Variants in MGAT5 observed in about 807,000 individuals in gnomAD.
MGAT5 encodes alpha-1,6-mannosylglycoprotein 6-beta-N-acetylglucosaminyltransferase A.
In MGAT5, 30 loss-of-function variants were observed where a neutral mutation model predicts 94.3. The ratio of observed to expected loss-of-function variants is 0.32; its 90% CI spans 0.24 to 0.43. The LOEUF (loss-of-function observed/expected upper bound fraction) is 0.43. Ranked by LOEUF, MGAT5 falls within the 20% of genes least tolerant of loss-of-function variation. MGAT5 has a pLI of 1.00. For synonymous variants in MGAT5, 310 were observed against 322.9 expected, an observed-to-expected ratio of 0.96 and a Z score of 0.43; for missense variants, 691 against 905.5, an observed-to-expected ratio of 0.76 and a Z score of 3.04.
chr2:134,136,639 AT>A (rs1686424550), intron 1 of MGAT5, among the ~76,000 whole-genome samples: 1 of 152,218 alleles, frequency 6.6e-6, no homozygotes, highest in Admixed American at 6.5e-5. Flanking sequence ...AATATCATTG[AT>A]TTCCTCTGCA....
At chr2:134,421,538 C>T (rs2106357222) in intron 12 of MGAT5, among the ~76,000 whole-genome samples, 1 of 151,774 alleles carries the variant, frequency 6.6e-6, no homozygotes, top group South Asian at 2.1e-4. Flanking sequence ...TGAGCTGGAT[C>T]ATACTACTGC....
chr2:134,194,464 G>A (rs1050894450), intron 1 of MGAT5, among the ~76,000 whole-genome samples: 1 of 152,140 alleles, frequency 6.6e-6, no homozygotes, highest in African/African-American at 2.4e-5. Context: ...GTTACAAGGG[G>A]GCGGAGGGTG....
intron 1 of MGAT5, among the ~76,000 whole-genome samples, chr2:134,120,870 A>G (rs928949098): frequency 2.0e-5 from 3 of 151,578 alleles, no homozygotes; most frequent in Non-Finnish European, 4.4e-5. Flanking sequence ...CAGAGGATCC[A>G]GGAGGCCCGG....
In MGAT5 at chr2:134,448,655, G is replaced by C; in HGVS notation, c.2034G>C (p.Lys678Asn). ...LNKDKDMLKY[K>N]VTCQSSELAK... ...CCTTTCTCTTCCTCTTCAGGTACAA[G>C]GTGACCTGCCAAAGCTCAGAGCTGG... The change falls in exon 16 of 16, where the codon AAG becomes AAC. Residue 678 changes from lysine (K) to asparagine (N), a missense_variant. Lys to Asn is a moderately conservative substitution (Grantham distance 94). Around this residue, in one of 4 missense-constraint regions of MGAT5, gnomAD observed 260 missense variants for 347.0 expected, o/e 0.75. Coordinates refer to ENST00000281923, the MANE Select transcript of MGAT5 (RefSeq NM_002410.5). 6.2e-7 allele frequency: 1 copy of C among 1,614,158 alleles called. No individual in the cohort carries two copies. Among genetic ancestry groups the C allele is most frequent in the Non-Finnish European group, 8.5e-7 (1 of 1,180,014 alleles).
intron 2 of MGAT5, among the ~76,000 whole-genome samples, chr2:134,283,199 T>C (rs908879930): frequency 6.6e-6 from 1 of 151,998 alleles, no homozygotes; most frequent in African/African-American, 2.4e-5. Flanking sequence ...GCAACTGTGG[T>C]GAAGTCATTT....
At chr2:134,310,324 G>A (rs1280577221) in intron 2 of MGAT5, among the ~76,000 whole-genome samples, 1 of 152,218 alleles carries the variant, frequency 6.6e-6, no homozygotes, top group Non-Finnish European at 1.5e-5. Context: ...AACATGCAGA[G>A]TGCTTTGCAT....
At chr2:134,229,381 T>C (rs1681230944) in intron 1 of MGAT5, among the ~76,000 whole-genome samples, 1 of 152,252 alleles carries the variant, frequency 6.6e-6, no homozygotes, top group Non-Finnish European at 1.5e-5. Flanking sequence ...TATTAACAGA[T>C]CGGCATTCCT....
chr2:134,306,864 A>AT, intron 2 of MGAT5, among the ~76,000 whole-genome samples: 1 of 152,210 alleles, frequency 6.6e-6, no homozygotes, highest in African/African-American at 2.4e-5. Context: ...TAGTCATGAC[A>AT]TTTTCTACCT....
chr2:134,430,810 G>A (rs181013110), intron 14 of MGAT5, among the ~76,000 whole-genome samples: 58 of 152,234 alleles, frequency 3.8e-4, no homozygotes, highest in Non-Finnish European at 6.9e-4. Flanking sequence ...TGGTCAGTTG[G>A]GGAGGACAAT....
chr2:134,416,153 T>G (rs1309067371), intron 12 of MGAT5, among the ~76,000 whole-genome samples: 1 of 152,252 alleles, frequency 6.6e-6, no homozygotes, highest in African/African-American at 2.4e-5. Context: ...CGTTAAAGTT[T>G]TTAACCATTT....
chr2:134,125,197 G>A (rs1327842493), intron 1 of MGAT5, among the ~76,000 whole-genome samples: 1 of 152,074 alleles, frequency 6.6e-6, no homozygotes, highest in Non-Finnish European at 1.5e-5. Flanking sequence ...TGCTTCTTTT[G>A]TACTACAGGT....
intron 1 of MGAT5, among the ~76,000 whole-genome samples, chr2:134,218,605 A>G (rs1680609913): frequency 6.6e-6 from 1 of 152,128 alleles, no homozygotes. Context: ...AGGCTAGCCC[A>G]GGCCATCTGC....
intron 2 of MGAT5, among the ~76,000 whole-genome samples, chr2:134,314,354 TGAG>T (rs1686873805): frequency 6.6e-6 from 1 of 152,180 alleles, no homozygotes; most frequent in Admixed American, 6.5e-5. Context: ...ACCACCAGTT[TGAG>T]GAAGAGGAAA....
chr2:134,445,434 C>T (rs1558893330), intron 15 of MGAT5, among the ~76,000 whole-genome samples: 1 of 151,304 alleles, frequency 6.6e-6, no homozygotes, highest in East Asian at 1.9e-4. Flanking sequence ...AGGGAAGGCA[C>T]TCAAGGGAAG....
chr2:134,398,143 G>A (rs992998961), intron 10 of MGAT5, among the ~76,000 whole-genome samples: 3 of 152,160 alleles, frequency 2.0e-5, no homozygotes, highest in African/African-American at 7.2e-5. Flanking sequence ...GGAGATATTA[G>A]CAAATACTTA....
intron 10 of MGAT5, among the ~76,000 whole-genome samples, chr2:134,364,920 G>C (rs1302611360): frequency 2.0e-5 from 3 of 152,200 alleles, no homozygotes; most frequent in Non-Finnish European, 4.4e-5. Flanking sequence ...TGCCTTTTAA[G>C]TGAGATGTTA....
In MGAT5 at chr2:134,196,821, G is replaced by A. The variant is rs148002194; in HGVS notation, c.-142-57441G>A. Among the ~76,000 whole-genome samples, 4 of 152,278 alleles carry A rather than the reference G, an allele frequency of 2.6e-5. No homozygotes were observed. The East Asian group carries it at 7.7e-4, about 29-fold the overall frequency. ...TGGCCCAAGACAGTTCTTCTAGTGCGGCCCTTTGGTGAAGCCAAAACATTG... is the reference window on the plus strand; with the variant it reads ...TGGCCCAAGACAGTTCTTCTAGTGCAGCCCTTTGGTGAAGCCAAAACATTG... On this transcript the variant is annotated intron_variant, in intron 1 of 16. Coordinates refer to the MGAT5 transcript ENST00000409645.
chr2:134,262,893 C>G (rs910880343), intron 1 of MGAT5, among the ~76,000 whole-genome samples: 9 of 152,196 alleles, frequency 5.9e-5, no homozygotes, highest in African/African-American at 2.2e-4. Context: ...GAAATATGCT[C>G]TGTTTCAGAA....
In MGAT5 at chr2:134,153,677, G is replaced by A. The variant is rs1023462798; in HGVS notation, c.-143+33386G>A. ...TTTGCCTTTACAGGCTTGCTGTCTCGGAGGAGTTTTCTGTATTGCCTGCTA... is the reference window on the plus strand; with the variant it reads ...TTTGCCTTTACAGGCTTGCTGTCTCAGAGGAGTTTTCTGTATTGCCTGCTA... On this transcript the variant is annotated intron_variant, in intron 1 of 16. Coordinates refer to the MGAT5 transcript ENST00000409645. Among the ~76,000 whole-genome samples, 18 of 152,110 alleles carry A rather than the reference G, an allele frequency of 1.2e-4. 1 individual carries two copies. The highest frequency in any genetic ancestry group is 7.9e-4 in the Admixed American group (12 of 15,274).
Sources: allele counts gnomAD v4.1 joint callset (sites outside exome capture counted in the v4.1 genomes callset), GRCh38; gene constraint gnomAD v4.1.1; regional missense constraint gnomAD v4.1.1; transcripts MANE v1.5; gene names NCBI Gene and HGNC (gene_info 2026-07-23, HGNC 2026-07-21).